The following RIMBP2 variants were observed in gnomAD, a reference collection of about 807,000 sequenced individuals.
The protein encoded by RIMBP2 is RIMS-binding protein 2.
In RIMBP2, 48 loss-of-function variants were observed where a neutral mutation model predicts 118.6. The observed-to-expected ratio is 0.40, with a 90% confidence interval of 0.32 to 0.51. RIMBP2 has a LOEUF of 0.51. Ranked by LOEUF, RIMBP2 falls within the 20% of genes least tolerant of loss-of-function variation. RIMBP2 has a pLI of 0.41. For synonymous variants in RIMBP2, 762 were observed against 742.9 expected (o/e 1.03, Z -0.42); for missense variants, 1,551 against 1,768.3 (o/e 0.88, Z 2.20).
rs866858349 is a variant in RIMBP2, at chr12:130,457,687, G to A, written c.154-987C>T. ...GCTCCTGGGCTATTCGTTTCTTGTC[G>A]GTGTCCACGGCTACACTCTCGGCCC... On this transcript the variant is annotated intron_variant, in intron 6 of 22. Coordinates refer to ENST00000690449, the MANE Select transcript of RIMBP2 (RefSeq NM_001393629.1). Among the ~76,000 whole-genome samples the A allele has an allele frequency of 5.3e-5, 8 of 152,320 alleles. 1 individual carries two copies. The highest frequency in any genetic ancestry group is 1.3e-4 in the Admixed American group (2 of 15,300).
chr12:130,585,303 C>G (rs532346035), intron 2 of RIMBP2, among the ~76,000 whole-genome samples: 1 of 151,958 alleles, frequency 6.6e-6, no homozygotes, highest in Non-Finnish European at 1.5e-5. Context: ...TGAGGCGGGG[C>G]GATGGGGAGA....
chr12:130,397,194 T>C lies in RIMBP2; in HGVS notation c.*167A>G. ...CGGTGACAGAGAGCAACCGCTCCTCTTTGTTCTCGTGGTTGGTTTAAAGTG... is the reference window on the plus strand; with the variant it reads ...CGGTGACAGAGAGCAACCGCTCCTCCTTGTTCTCGTGGTTGGTTTAAAGTG... On this transcript the variant is annotated 3_prime_UTR_variant, in exon 23 of 23. Transcript: ENST00000690449. 2.7e-6 allele frequency: 1 copy of C among 374,628 alleles called. No homozygotes were observed. The highest frequency in any genetic ancestry group is 4.7e-6 in the Non-Finnish European group (1 of 211,344). 23.2% of individuals were successfully genotyped at this position (374,628 alleles called of 1,614,324 possible).
intron 1 of RIMBP2, among the ~76,000 whole-genome samples, chr12:130,638,252 A>G (rs888427743): frequency 3.3e-5 from 5 of 152,232 alleles, no homozygotes; most frequent in Admixed American, 6.5e-5. Context: ...GATGTCTTTC[A>G]TAGGCGAATG....
chr12:130,555,094 G>A (rs777473094), intron 2 of RIMBP2, among the ~76,000 whole-genome samples: 2 of 152,138 alleles, frequency 1.3e-5, no homozygotes, highest in African/African-American at 2.4e-5. Flanking sequence ...ACAGAGCCAA[G>A]ACAAGTTAAA....
At chr12:130,713,584 A>G (rs2136919827) in intron 1 of RIMBP2, among the ~76,000 whole-genome samples, 1 of 152,338 alleles carries the variant, frequency 6.6e-6, no homozygotes, top group African/African-American at 2.4e-5. Context: ...GCTCTGCTTG[A>G]TCAACAAGAG....
chr12:130,545,758 A>T (rs1022849984), intron 2 of RIMBP2, among the ~76,000 whole-genome samples: 4 of 152,210 alleles, frequency 2.6e-5, no homozygotes, highest in Non-Finnish European at 5.9e-5. Context: ...AAAGCTGTCA[A>T]ATCTCCATCT....
At chr12:130,543,714 G>C (rs531226853) in intron 2 of RIMBP2, among the ~76,000 whole-genome samples, 4 of 150,944 alleles carry the variant, frequency 2.6e-5, no homozygotes, top group Middle Eastern at 3.2e-3. Context: ...GACACCACAT[G>C]AATTTGGCCA....
At chr12:130,638,656 T>TC (rs909052305) in intron 1 of RIMBP2, among the ~76,000 whole-genome samples, 12 of 152,090 alleles carry the variant, frequency 7.9e-5, no homozygotes, top group African/African-American at 2.9e-4. Flanking sequence ...CTGAAACCTT[T>TC]CCCCCTCCCC....
chr12:130,693,773 G>T (rs1300260851), intron 1 of RIMBP2, among the ~76,000 whole-genome samples: 1 of 152,208 alleles, frequency 6.6e-6, no homozygotes, highest in East Asian at 1.9e-4. Flanking sequence ...GAAAGGCGTC[G>T]TTCCCAAGAA....
At chr12:130,430,025 GA>G (rs2077057172) in intron 14 of RIMBP2, 1 of 152,296 alleles carries the variant, frequency 6.6e-6, no homozygotes, top group African/African-American at 2.4e-5. Flanking sequence ...TCCTGGGACG[GA>G]AGGAGGTGTC....
Position 130,516,976 on chromosome 12 carries a change from G to A in RIMBP2, c.-127+852C>T, listed in dbSNP as rs150374521. Among the ~76,000 whole-genome samples, 674 of 152,272 alleles carry A rather than the reference G, an allele frequency of 4.4e-3. 6 individuals are homozygous for A. Among genetic ancestry groups the A allele is most frequent in the African/African-American group, 0.015 (613 of 41,566 alleles). On this transcript the variant is annotated intron_variant, in intron 3 of 22. Transcript: ENST00000690449. ...AGGAGGGGGAGGAGAGCTGGGGCAC[G>A]TCTGGTGCTGAGATGAGTGGTTGGT...
intron 15 of RIMBP2, chr12:130,426,235 A>G (rs1181543378): frequency 6.6e-6 from 1 of 151,448 alleles, no homozygotes; most frequent in East Asian, 1.9e-4. Flanking sequence ...ACATCTTGTA[A>G]TTTCTAAAGA....
At chr12:130,519,708 G>A (rs185869121) in intron 2 of RIMBP2, among the ~76,000 whole-genome samples, 3 of 152,264 alleles carry the variant, frequency 2.0e-5, no homozygotes, top group East Asian at 3.9e-4. Context: ...GGCAGCAATA[G>A]CTCAGAGAAT....
intron 2 of RIMBP2, among the ~76,000 whole-genome samples, chr12:130,599,888 G>T (rs1322180347): frequency 6.6e-6 from 1 of 152,180 alleles, no homozygotes; most frequent in Non-Finnish European, 1.5e-5. Context: ...GCTGGGCACT[G>T]CTGAGGGTAA....
chr12:130,416,740 C>T (rs540113945), intron 17 of RIMBP2, among the ~76,000 whole-genome samples: 1 of 152,262 alleles, frequency 6.6e-6, no homozygotes, highest in South Asian at 2.1e-4. Context: ...AATTAAAGAA[C>T]TTCTGCACAG....
At chr12:130,449,484 G>C (rs1000951094) in intron 9 of RIMBP2, among the ~76,000 whole-genome samples, 3 of 152,292 alleles carry the variant, frequency 2.0e-5, no homozygotes, top group Middle Eastern at 3.4e-3. Context: ...GCGAGATGCA[G>C]CCTGCAGCGC....
rs190357916 is a variant in RIMBP2 at position 130,399,839 on chromosome 12, G to A, written c.3766-26C>T. The A allele has an allele frequency of 2.4e-4, 387 of 1,612,722 alleles. No individual in the cohort carries two copies. In the African/African-American group the frequency reaches 4.3e-3, roughly 18 times the overall value. On this transcript the variant is annotated intron_variant, in intron 21 of 22. Transcript: ENST00000690449. ...CTAAAACACCAGGGGTGAGGCAGAAGAACTATTTATTTTTCTAGAAACCCA... is the reference window on the plus strand; with the variant it reads ...CTAAAACACCAGGGGTGAGGCAGAAAAACTATTTATTTTTCTAGAAACCCA...
At chr12:130,646,406 T>TCACCTCCCTCGCCACCTGCCTCG (rs1555317645) in intron 1 of RIMBP2, among the ~76,000 whole-genome samples, 2 of 10,606 alleles carry the variant, frequency 1.9e-4, no homozygotes, top group East Asian at 6.1e-3. Context: ...CACCTGCCTC[T>TCACCTCCCTCGCCACCTGCCTCG]CCACCTCCCT....
intron 2 of RIMBP2, among the ~76,000 whole-genome samples, chr12:130,526,185 T>C (rs1182285872): frequency 6.6e-6 from 1 of 152,148 alleles, no homozygotes; most frequent in Non-Finnish European, 1.5e-5. Flanking sequence ...TATTTCCTGG[T>C]ATTTTTAGTT....
Sources: gnomAD v4.1 joint callset for allele counts (sites outside exome capture counted in the v4.1 genomes callset) on GRCh38, gnomAD v4.1.1 for gene constraint, MANE v1.5 for transcripts, NCBI Gene and HGNC (gene_info 2026-07-23, HGNC 2026-07-21) for gene names.